The following FDFT1 variants were observed in gnomAD, a reference collection of about 807,000 sequenced individuals.
The protein encoded by FDFT1 is squalene synthase.
Under a neutral mutation model 46.8 loss-of-function variants are expected in FDFT1, and 68 were observed. That is an observed-to-expected ratio of 1.45 (90% CI 1.19 to 1.78). FDFT1 has a LOEUF of 1.78. Ranked by LOEUF, FDFT1 falls within the 40% of genes most tolerant of loss-of-function variation. The pLI is 0.00. For missense variants in FDFT1, 928 were observed against 524.4 expected (o/e 1.77, Z -7.52); for synonymous variants, 351 against 185.1 (o/e 1.90, Z -7.28).
At chr8:11,813,723 T>G (rs1808049168) in intron 3 of FDFT1, among the ~76,000 whole-genome samples, 1 of 152,248 alleles carries the variant, frequency 6.6e-6, no homozygotes, top group African/African-American at 2.4e-5. Context: ...TCTGGGACCT[T>G]CCTTCTTGTA....
In FDFT1 at chr8:11,830,340, C is replaced by T. The variant is rs1810603603; in HGVS notation, c.799C>T (p.Leu267=). ...CCTGAATGAACTTATAACCAATGCA[C>T]TGCACCACATCCCAGATGTCATCAC... The part of the protein sequence containing the change: ...QCLNELITNA[L]HHIPDVITYL... The change falls in exon 6 of 8, where the codon CTG becomes TTG. Residue 267 remains leucine (L), a synonymous_variant. Coordinates refer to ENST00000220584, the MANE Select transcript of FDFT1 (RefSeq NM_004462.5). 2.5e-6 allele frequency: 4 copies of T among 1,613,808 alleles called. No individual in the cohort carries two copies. Among genetic ancestry groups the T allele is most frequent in the Non-Finnish European group, 3.4e-6 (4 of 1,179,728 alleles).
chr8:11,796,727 C>T (rs1234193799), intron 1 of FDFT1, among the ~76,000 whole-genome samples: 2 of 152,194 alleles, frequency 1.3e-5, no homozygotes, highest in African/African-American at 2.4e-5. Flanking sequence ...AGAGTCCTGA[C>T]CATTTGGGGC....
chr8:11,831,075 C>T (rs1490747858), intron 6 of FDFT1, among the ~76,000 whole-genome samples: 1 of 152,178 alleles, frequency 6.6e-6, no homozygotes, highest in Non-Finnish European at 1.5e-5. Context: ...TAATCCCCTT[C>T]TGGTTGTTCT....
intron 5 of FDFT1, among the ~76,000 whole-genome samples, chr8:11,828,796 A>G (rs1217471986): frequency 6.6e-6 from 1 of 152,230 alleles, no homozygotes; most frequent in Non-Finnish European, 1.5e-5. Flanking sequence ...TTCTTTTGCT[A>G]GCATGTTTTC....
rs775058135 is a variant in FDFT1 at position 11,831,652 on chromosome 8, A to G, written c.1014A>G (p.Ile338Met). ...ATNMPAVKAI[I>M]YQYMEEIYHR... ...ATATGCCAGCTGTCAAAGCCATCAT[A>G]TATCAGTATATGGAAGAGGTGGGTT... Residue 338 changes from isoleucine to methionine, a missense_variant, in exon 7 of 8, where the codon ATA (isoleucine) becomes ATG (methionine). Coordinates refer to ENST00000220584, the MANE Select transcript of FDFT1 (RefSeq NM_004462.5). 3.7e-6 allele frequency: 6 copies of G among 1,613,814 alleles called. No homozygotes were observed. The South Asian group carries it at 5.5e-5, about 15-fold the overall frequency.
chr8:11,809,954 C>T (rs1807472960), intron 3 of FDFT1, 104 bp downstream of exon 3: 1 of 851,598 alleles, frequency 1.2e-6, no homozygotes, highest in Non-Finnish European at 1.8e-6. Context: ...AATAAGCATT[C>T]TGAGGGCAGC....
rs369237159 is a variant in FDFT1, at chr8:11,812,807, T to A, written c.381+2957T>A. On this transcript the variant is annotated intron_variant, in intron 3 of 7. Transcript: ENST00000220584. Reference sequence around the variant, plus strand: ...AGATTGAACCTGATCCTTTATACTTTAGTGATCATTAGTTGATACCAGTTC... The same window carrying A: ...AGATTGAACCTGATCCTTTATACTTAAGTGATCATTAGTTGATACCAGTTC... 1.8e-4 allele frequency among the ~76,000 whole-genome samples: 27 copies of A among 152,348 alleles called. No individual in the cohort carries two copies. The East Asian group carries it at 4.1e-3, about 23-fold the overall frequency.
chr8:11,802,651 C>A, upstream of FDFT1: 3 of 605,810 alleles, frequency 5.0e-6, no homozygotes. Context: ...CCGCAGCTAG[C>A]CCCGCTGGCG....
At chr8:11,806,795 A>G (rs1164452000) in intron 1 of FDFT1, among the ~76,000 whole-genome samples, 2 of 152,198 alleles carry the variant, frequency 1.3e-5, no homozygotes, top group East Asian at 3.8e-4. Flanking sequence ...TTGAGAAGGA[A>G]GGAGTTGGTG....
chr8:11,837,087 C>T lies in FDFT1; in HGVS notation c.1033-1301C>T, dbSNP rs1226238446. Among the ~76,000 whole-genome samples the T allele has an allele frequency of 2.0e-5, 3 of 152,340 alleles. No homozygotes were observed. In the South Asian group the frequency reaches 6.2e-4, roughly 32 times the overall value. On this transcript the variant is annotated intron_variant, in intron 7 of 7. Transcript: ENST00000220584. Reference sequence around the variant, plus strand: ...GACAGGTTTTCTAGAAGGCATAATCCTGAAGTTGAGACTTGGGGGCCTAGG... The same window carrying T: ...GACAGGTTTTCTAGAAGGCATAATCTTGAAGTTGAGACTTGGGGGCCTAGG...
chr8:11,818,366 G>A (rs1188249722), intron 3 of FDFT1, among the ~76,000 whole-genome samples: 1 of 152,214 alleles, frequency 6.6e-6, no homozygotes, highest in African/African-American at 2.4e-5. Context: ...TTCTGTAGAT[G>A]TCTGTTAGGT....
chr8:11,839,165 C>G lies in FDFT1; in HGVS notation c.*556C>G, dbSNP rs996575530. ...GGCTGGGAATAAAATTCTGGGTATTCTCGTATTCTCATTTAAAGGAGTTTA... is the reference window on the plus strand; with the variant it reads ...GGCTGGGAATAAAATTCTGGGTATTGTCGTATTCTCATTTAAAGGAGTTTA... On this transcript the variant is annotated 3_prime_UTR_variant, in exon 8 of 8. Coordinates refer to ENST00000220584, the MANE Select transcript of FDFT1 (RefSeq NM_004462.5). 2 of 154,826 alleles carry G rather than the reference C, an allele frequency of 1.3e-5. No individual in the cohort carries two copies. Among genetic ancestry groups the G allele is most frequent in the East Asian group, 3.8e-4 (2 of 5,200 alleles). 9.6% of individuals were successfully genotyped at this position (154,826 alleles called of 1,614,324 possible).
chr8:11,822,019 C>A (rs781063337), intron 4 of FDFT1, 141 bp downstream of exon 4: 2 of 960,858 alleles, frequency 2.1e-6, no homozygotes, highest in Non-Finnish European at 3.1e-6. Flanking sequence ...TTGAATGTCT[C>A]ATCATAAACA....
intron 7 of FDFT1, among the ~76,000 whole-genome samples, chr8:11,836,220 T>C (rs1330998078): frequency 6.6e-6 from 1 of 151,918 alleles, no homozygotes; most frequent in African/African-American, 2.4e-5. Context: ...TCAGGGTCAT[T>C]GTAGTGAATG....
intron 3 of FDFT1, among the ~76,000 whole-genome samples, chr8:11,817,152 G>C (rs904722895): frequency 6.6e-6 from 1 of 152,314 alleles, no homozygotes; most frequent in East Asian, 1.9e-4. Flanking sequence ...CATAGGTTCT[G>C]TTTATGTGAT....
At chr8:11,832,991 C>G (rs993460458) in intron 7 of FDFT1, among the ~76,000 whole-genome samples, 1 of 152,166 alleles carries the variant, frequency 6.6e-6, no homozygotes, top group African/African-American at 2.4e-5. Flanking sequence ...TTTCTGATTT[C>G]TCTTGCATAT....
At position 11,830,190 on chromosome 8, in the gene FDFT1, A is replaced by T. The variant is rs546186641; in HGVS notation, c.703-54A>T. 57 of 1,393,016 alleles carry T rather than the reference A, an allele frequency of 4.1e-5. No homozygotes were observed. The East Asian group carries it at 9.4e-4, about 23-fold the overall frequency. The allele number at this position is 1,393,016 out of a possible 1,614,324, so 86.3% of individuals were successfully genotyped here. ...ACAAAGACCCTTTAATATTGTTTGT[A>T]AATTCTCCCCTATGCACACGCTGAC... On this transcript the variant is annotated intron_variant, in intron 5 of 7. Coordinates refer to ENST00000220584, the MANE Select transcript of FDFT1 (RefSeq NM_004462.5).
In FDFT1 at chr8:11,826,013, G is replaced by T. The variant is rs761840532; in HGVS notation, c.511-11G>T. On this transcript the variant is annotated splice_polypyrimidine_tract_variant and intron_variant, in intron 4 of 7. Transcript: ENST00000220584. ...CCATTATTAAAGTGCTTTAAAAATC[G>T]TCTCTTACAGTACTGCCACTATGTT... The T allele has an allele frequency of 2.6e-6, 4 of 1,512,598 alleles. No individual in the cohort carries two copies. Among genetic ancestry groups the T allele is most frequent in the Non-Finnish European group, 3.6e-6 (4 of 1,116,936 alleles). 93.7% of individuals were successfully genotyped at this position (1,512,598 alleles called of 1,614,324 possible). A position where few individuals can be genotyped will look rare whatever the true frequency, so the allele number is the denominator to read the frequency against.
rs1300492045 is a variant in FDFT1 at position 11,826,173 on chromosome 8, T to C, written c.660T>C (p.Tyr220=). 17 of 1,591,102 alleles carry C rather than the reference T, an allele frequency of 1.1e-5. No individual in the cohort carries two copies. The highest frequency in any genetic ancestry group is 1.7e-4 in the Middle Eastern group (1 of 5,966). The change falls in exon 5 of 8, where the codon TAT becomes TAC. Residue 220 remains tyrosine, a synonymous_variant. Coordinates refer to ENST00000220584, the MANE Select transcript of FDFT1 (RefSeq NM_004462.5). ...AGAAAACAAACATCATCCGTGACTA[T>C]CTGGAAGACCAGCAAGGAGGAAGAG... ...FLQKTNIIRD[Y]LEDQQGGREF...
Sources: gnomAD v4.1 joint callset for allele counts (sites outside exome capture counted in the v4.1 genomes callset) on GRCh38, gnomAD v4.1.1 for gene constraint, MANE v1.5 for transcripts, NCBI Gene and HGNC (gene_info 2026-07-23, HGNC 2026-07-21) for gene names.